The following THSD7B variants were observed in gnomAD, a reference collection of about 807,000 sequenced individuals.
The protein encoded by THSD7B is thrombospondin type-1 domain-containing protein 7B.
THSD7B carries 138 observed loss-of-function variants against 213.6 expected under a neutral mutation model. That is an observed-to-expected ratio of 0.65 (90% CI 0.56 to 0.74). The LOEUF (loss-of-function observed/expected upper bound fraction) is 0.74, where lower values mean the gene tolerates loss of function less well. Ranked by LOEUF, THSD7B falls within the 30% of genes least tolerant of loss-of-function variation. The pLI, the probability that THSD7B is intolerant of heterozygous loss-of-function variation, is 0.00. For synonymous variants in THSD7B, 742 were observed against 687.0 expected, an observed-to-expected ratio of 1.08 and a Z score of -1.25; for missense variants, 1,931 against 1,991.5, an observed-to-expected ratio of 0.97 and a Z score of 0.58.
chr2:137,443,959 AT>A lies in THSD7B; in HGVS notation c.2960-6882del, dbSNP rs147925630. ...ATCATATTGTGGATCTAAATGAGAT[AT>A]TTTGTTTGCAATACATTAGCATCAT... is the stretch of plus-strand genomic sequence containing the variant. On this transcript the variant is annotated intron_variant, in intron 14 of 27. Transcript: ENST00000409968. 5.2e-3 allele frequency among the ~76,000 whole-genome samples: 792 copies of A among 152,148 alleles called. 7 individuals are homozygous for A. The highest frequency in any genetic ancestry group is 0.018 in the African/African-American group (741 of 41,536).
chr2:137,016,350 G>T (rs768599073), intron 2 of THSD7B, among the ~76,000 whole-genome samples: 27 of 152,158 alleles, frequency 1.8e-4, no homozygotes, highest in Non-Finnish European at 5.9e-5. Context: ...CCTGATGTAT[G>T]ATAAGAGTGA....
chr2:136,897,546 AG>A (rs1573696816), intron 2 of THSD7B, among the ~76,000 whole-genome samples: 1 of 152,276 alleles, frequency 6.6e-6, no homozygotes, highest in African/African-American at 2.4e-5. Flanking sequence ...GGACCCAAAG[AG>A]TGAGCAGTAG....
intron 11 of THSD7B, among the ~76,000 whole-genome samples, chr2:137,273,725 T>G (rs1682804659): frequency 6.6e-6 from 1 of 152,062 alleles, no homozygotes; most frequent in Admixed American, 6.6e-5. Context: ...TGACCAATTT[T>G]GGGAGGATGT....
rs1009888814 is a variant in THSD7B at position 137,538,017 on chromosome 2, C to T, written c.3139-25204C>T. On this transcript the variant is annotated intron_variant, in intron 15 of 27. Coordinates refer to ENST00000409968, the MANE Select transcript of THSD7B (RefSeq NM_001316349.2). ...TTGAAGAAGAGGGGACCAGTAGGGA[C>T]AAGTGTCATGGGATCCACATTCCAA... 3.3e-5 allele frequency among the ~76,000 whole-genome samples: 5 copies of T among 151,806 alleles called. No homozygotes were observed. In the South Asian group the frequency reaches 8.3e-4, roughly 25 times the overall value.
At chr2:136,767,486 G>C (rs1296375795) in intron 1 of THSD7B, among the ~76,000 whole-genome samples, 1 of 96,682 alleles carries the variant, frequency 1.0e-5, no homozygotes, top group Non-Finnish European at 2.5e-5. Context: ...TGTGTTGTGT[G>C]TATTTGTGTG....
chr2:137,052,905 T>C (rs950919251), intron 2 of THSD7B, among the ~76,000 whole-genome samples: 2 of 152,198 alleles, frequency 1.3e-5, no homozygotes, highest in African/African-American at 4.8e-5. Context: ...TGTTTGTAAT[T>C]TGTTTTTCAT....
rs191358124 is a variant in THSD7B at position 137,229,070 on chromosome 2, A to G, written c.1724-1974A>G. Among the ~76,000 whole-genome samples, 226 of 152,332 alleles carry G rather than the reference A, an allele frequency of 1.5e-3. 1 individual carries two copies. The highest frequency in any genetic ancestry group is 4.2e-3 in the Admixed American group (64 of 15,298). Reference sequence around the variant, plus strand: ...TCATTTACCTTCTAGGAAACTTACAATGTATATTGGCATTTTCAACACTGA... The same window carrying G: ...TCATTTACCTTCTAGGAAACTTACAGTGTATATTGGCATTTTCAACACTGA... On this transcript the variant is annotated intron_variant, in intron 7 of 27. Coordinates refer to ENST00000409968, the MANE Select transcript of THSD7B (RefSeq NM_001316349.2).
At chr2:137,472,330 A>G (rs559229152) in intron 15 of THSD7B, among the ~76,000 whole-genome samples, 1 of 152,202 alleles carries the variant, frequency 6.6e-6, no homozygotes. Context: ...CTTAAAAATT[A>G]TTGAGGACCT....
chr2:137,422,204 G>T (rs1194417202), intron 14 of THSD7B, among the ~76,000 whole-genome samples: 1 of 152,066 alleles, frequency 6.6e-6, no homozygotes, highest in African/African-American at 2.4e-5. Flanking sequence ...GAAAACTATT[G>T]GGCAAAATAT....
intron 15 of THSD7B, among the ~76,000 whole-genome samples, chr2:137,463,261 C>G (rs369131233): frequency 1.3e-5 from 2 of 152,094 alleles, no homozygotes; most frequent in Non-Finnish European, 2.9e-5. Flanking sequence ...TTGCTTTTCT[C>G]TGTATTCAGA....
At chr2:137,615,770 T>A (rs528522723) in intron 17 of THSD7B, among the ~76,000 whole-genome samples, 1 of 152,178 alleles carries the variant, frequency 6.6e-6, no homozygotes, top group Non-Finnish European at 1.5e-5. Context: ...TGTGTGATTA[T>A]TTTTATTGGT....
chr2:137,419,338 T>G (rs549737184), intron 14 of THSD7B, among the ~76,000 whole-genome samples: 2 of 150,996 alleles, frequency 1.3e-5, no homozygotes, highest in African/African-American at 4.8e-5. Context: ...CCACTGCAAT[T>G]GAGCTCTCAG....
intron 12 of THSD7B, among the ~76,000 whole-genome samples, chr2:137,363,760 A>G (rs1685332459): frequency 2.0e-5 from 3 of 152,232 alleles, no homozygotes; most frequent in African/African-American, 2.4e-5. Flanking sequence ...CATACCAACC[A>G]AAAAGAGTCC....
chr2:136,810,525 C>T (rs1388160556), intron 1 of THSD7B, among the ~76,000 whole-genome samples: 1 of 152,166 alleles, frequency 6.6e-6, no homozygotes, highest in African/African-American at 2.4e-5. Flanking sequence ...AAAGATACAT[C>T]ATACATTCTG....
At chr2:137,246,820 C>A (rs1682050359) in intron 10 of THSD7B, among the ~76,000 whole-genome samples, 1 of 151,856 alleles carries the variant, frequency 6.6e-6, no homozygotes, top group African/African-American at 2.4e-5. Flanking sequence ...AAACAAATGC[C>A]TGCCTAAAGT....
chr2:137,326,348 T>A (rs1487616647), intron 12 of THSD7B, among the ~76,000 whole-genome samples: 1 of 152,200 alleles, frequency 6.6e-6, no homozygotes, highest in African/African-American at 2.4e-5. Flanking sequence ...TGATACTCAG[T>A]GTAGATTAAT....
At chr2:136,862,025 A>G (rs1683264924) in intron 1 of THSD7B, among the ~76,000 whole-genome samples, 1 of 152,234 alleles carries the variant, frequency 6.6e-6, no homozygotes, top group South Asian at 2.1e-4. Flanking sequence ...AATTGCTGGA[A>G]TATCCTCATG....
At chr2:137,546,406 A>ATAATATATATAT (rs1558834292) in intron 15 of THSD7B, among the ~76,000 whole-genome samples, 4 of 37,030 alleles carry the variant, frequency 1.1e-4, no homozygotes, top group African/African-American at 3.6e-4. Flanking sequence ...TATATATATT[A>ATAATATATATAT]TATATATATT....
At chr2:137,126,566 TC>T (rs1688632288) in intron 5 of THSD7B, among the ~76,000 whole-genome samples, 1 of 151,910 alleles carries the variant, frequency 6.6e-6, no homozygotes, top group African/African-American at 2.4e-5. Context: ...ACTGCTTTGG[TC>T]TTCTATCCAG....
Sources: allele counts gnomAD v4.1 joint callset (sites outside exome capture counted in the v4.1 genomes callset), GRCh38; gene constraint gnomAD v4.1.1; transcripts MANE v1.5; gene names NCBI Gene and HGNC (gene_info 2026-07-23, HGNC 2026-07-21).